The following TOPBP1 variants were observed in gnomAD, a reference collection of about 807,000 sequenced individuals.
The protein encoded by TOPBP1 is DNA topoisomerase 2-binding protein 1.
In TOPBP1, 28 loss-of-function variants were observed where a neutral mutation model predicts 167.7. The observed-to-expected ratio is 0.17, with a 90% CI of 0.12 to 0.23. TOPBP1 has a LOEUF of 0.23. Among genes scored for constraint, TOPBP1 ranks in the 10% least tolerant of loss-of-function variants. The probability of loss-of-function intolerance (pLI) is 1.00; values close to 1 mark genes in which losing one functional copy is unlikely to be tolerated. For synonymous variants in TOPBP1, 598 were observed against 611.4 expected, an observed-to-expected ratio of 0.98 and a Z score of 0.32; for missense variants, 1,554 against 1,809.6, an observed-to-expected ratio of 0.86 and a Z score of 2.56.
Position 133,600,239 on chromosome 3 carries a change from T to TC in TOPBP1, c.*1010_*1011insG. The TC allele has an allele frequency of 6.8e-6, 1 of 147,338 alleles. No homozygotes were observed. Among genetic ancestry groups the TC allele is most frequent in the Non-Finnish European group, 1.5e-5 (1 of 67,278 alleles). 9.1% of individuals were successfully genotyped at this position (147,338 alleles called of 1,614,324 possible). ...GCCACCGTGCCTGGCCTGCAATTCT[T>TC]TTTTTTTTTTTTTTTGAGATGGAGT... On this transcript the variant is annotated 3_prime_UTR_variant, in exon 28 of 28. Transcript: ENST00000260810.
rs776213078 is a variant in TOPBP1 at position 133,649,791 on chromosome 3, T to C, written c.1242A>G (p.Lys414=). The C allele has an allele frequency of 4.4e-6, 7 of 1,594,878 alleles. No individual in the cohort carries two copies. The highest frequency in any genetic ancestry group is 1.7e-6 in the Non-Finnish European group (2 of 1,175,082). ...AAAACGAAAAAAACCTGTGGGCTGA[T>C]TTATTCCAAAACTGCTTCAATTCAT... ...YDDELKQFWN[K]SAHRPHVVGA... is the part of the protein sequence containing the mutation. The change falls in exon 9 of 28, where the codon AAA becomes AAG. Residue 414 remains lysine, a synonymous_variant. Coordinates refer to ENST00000260810, the MANE Select transcript of TOPBP1 (RefSeq NM_007027.4).
chr3:133,628,157 T>C (rs567481246), intron 16 of TOPBP1: 2 of 537,232 alleles, frequency 3.7e-6, no homozygotes, highest in East Asian at 3.2e-5. Flanking sequence ...CCCTAAAAAA[T>C]ATACATTATA....
chr3:133,619,124 A>C (rs868402836), intron 20 of TOPBP1, among the ~76,000 whole-genome samples: 3 of 146,420 alleles, frequency 2.0e-5, no homozygotes, highest in African/African-American at 7.3e-5. Context: ...AAAAAAAAAA[A>C]ACAAAAAACA....
chr3:133,612,335 C>T (rs1043777459), intron 24 of TOPBP1, 54 bp downstream of exon 24: 43 of 1,598,082 alleles, frequency 2.7e-5, no homozygotes, highest in Admixed American at 1.3e-4. Context: ...CCACTGCACC[C>T]GGTGGACACT....
rs533616170 is a variant in TOPBP1, at chr3:133,616,195, T to C, written c.3871+619A>G. ...AGTACAGTGGCGCTATCTTGGCTCA[T>C]TGCAACCTCCGCCTCCCAGGTTCAA... On this transcript the variant is annotated intron_variant, in intron 23 of 27. Transcript: ENST00000260810. Among the ~76,000 whole-genome samples, 213 of 151,840 alleles carry C rather than the reference T, an allele frequency of 1.4e-3. 2 individuals are homozygous for C. The highest frequency in any genetic ancestry group is 2.4e-3 in the Non-Finnish European group (160 of 67,900).
chr3:133,639,724 T>A (rs1416288791), intron 13 of TOPBP1, among the ~76,000 whole-genome samples: 3 of 151,948 alleles, frequency 2.0e-5, no homozygotes, highest in Non-Finnish European at 4.4e-5. Flanking sequence ...AGCCCAAAGA[T>A]AAGAGGAGAG....
intron 16 of TOPBP1, among the ~76,000 whole-genome samples, chr3:133,625,014 T>C (rs1935221185): frequency 6.6e-6 from 1 of 152,228 alleles, no homozygotes; most frequent in African/African-American, 2.4e-5. Context: ...TCACCCAGGC[T>C]GGAATGCAGT....
intron 2 of TOPBP1, among the ~76,000 whole-genome samples, chr3:133,660,191 A>G (rs1311373526): frequency 2.6e-5 from 4 of 152,222 alleles, no homozygotes; most frequent in Admixed American, 6.5e-5. Flanking sequence ...CGTTTACTCA[A>G]TATCTTTTTC....
chr3:133,602,446 A>G (rs1436799077), intron 27 of TOPBP1, among the ~76,000 whole-genome samples: 1 of 152,242 alleles, frequency 6.6e-6, no homozygotes. Flanking sequence ...TCTTCAGGGA[A>G]AACTGACACT....
rs570917307 is a variant in TOPBP1 at position 133,639,299 on chromosome 3, A to G, written c.2233+660T>C. On this transcript the variant is annotated intron_variant, in intron 13 of 27. Coordinates refer to ENST00000260810, the MANE Select transcript of TOPBP1 (RefSeq NM_007027.4). ...TGCAGCCAGAAAAAAGGATGAATTC[A>G]TGTCCTTTGTCGGGACATGGATGAA... Among the ~76,000 whole-genome samples, 4 of 152,328 alleles carry G rather than the reference A, an allele frequency of 2.6e-5. No individual in the cohort carries two copies. In the East Asian group the frequency reaches 5.8e-4, roughly 22 times the overall value.
rs1156668686 is a variant in TOPBP1, at chr3:133,616,928, G to A, written c.3760-3C>T. The stretch of plus-strand genomic sequence containing the variant: ...TGAGTCTCCTCTATCGTTATAATCT[G>A]GAATGAAAGTTTTACTTTAGAAAAA... On this transcript the variant is annotated splice_polypyrimidine_tract_variant and splice_region_variant and intron_variant, in intron 22 of 27. Coordinates refer to ENST00000260810, the MANE Select transcript of TOPBP1 (RefSeq NM_007027.4). 12 of 1,473,676 alleles carry A rather than the reference G, an allele frequency of 8.1e-6. No homozygotes were observed. The South Asian group carries it at 1.2e-4, about 15-fold the overall frequency. 91.3% of individuals were successfully genotyped at this position (1,473,676 alleles called of 1,614,324 possible). A position where few individuals can be genotyped will look rare whatever the true frequency, so the allele number is the denominator to read the frequency against.
rs765038621 is a variant in TOPBP1 at position 133,623,413 on chromosome 3, A to G, written c.2973T>C (p.His991=). 20 of 1,612,816 alleles carry G rather than the reference A, an allele frequency of 1.2e-5. No homozygotes were observed. The South Asian group carries it at 2.0e-4, about 16-fold the overall frequency. The stretch of plus-strand genomic sequence containing the variant: ...CCAAGCTCATTTTGGGATTATAAGT[A>G]TGTGGATAAAGAGATTCAGGAAGAT... ...CKHLPESLYP[H]TYNPKMSLDI... is the part of the protein sequence containing the mutation. Residue 991 remains histidine, a synonymous_variant, in exon 18 of 28, where the codon CAT becomes CAC. Coordinates refer to ENST00000260810, the MANE Select transcript of TOPBP1 (RefSeq NM_007027.4).
At chr3:133,618,580 AC>A in intron 20 of TOPBP1, 147 bp from the exon 21 acceptor site, 1 of 613,378 alleles carries the variant, frequency 1.6e-6, no homozygotes, top group Non-Finnish European at 2.6e-6. Flanking sequence ...AAATAAATGA[AC>A]CTAGGGACAT....
At chr3:133,614,004 G>T (rs1313724786) in intron 23 of TOPBP1, among the ~76,000 whole-genome samples, 2 of 151,924 alleles carry the variant, frequency 1.3e-5, no homozygotes, top group Non-Finnish European at 2.9e-5. Flanking sequence ...TGTTTGCCAG[G>T]CTGGTCTTGA....
chr3:133,615,303 T>G (rs892441015), intron 23 of TOPBP1, among the ~76,000 whole-genome samples: 1 of 151,812 alleles, frequency 6.6e-6, no homozygotes. Context: ...AACCCTGTCT[T>G]TACTAAAAAT....
rs544849666 is a variant in TOPBP1, at chr3:133,644,396, C to T, written c.1505-33G>A. On this transcript the variant is annotated intron_variant, in intron 10 of 27. Coordinates refer to ENST00000260810, the MANE Select transcript of TOPBP1 (RefSeq NM_007027.4). ...AGAAAAGTAAATGTTTTCTAACCAACAATTTACCTTATACAGTTTACTTCC... is the reference window on the plus strand; with the variant it reads ...AGAAAAGTAAATGTTTTCTAACCAATAATTTACCTTATACAGTTTACTTCC... 45 of 1,498,500 alleles carry T rather than the reference C, an allele frequency of 3.0e-5. No individual in the cohort carries two copies. In the East Asian group the frequency reaches 1.0e-3, roughly 34 times the overall value. The allele number at this position is 1,498,500 out of a possible 1,614,324, so 92.8% of individuals were successfully genotyped here.
At position 133,651,438 on chromosome 3, in the gene TOPBP1, C is replaced by T. The variant is rs183381040; in HGVS notation, c.1089+1025G>A. Among the ~76,000 whole-genome samples, 534 of 152,088 alleles carry T rather than the reference C, an allele frequency of 3.5e-3. 1 individual carries two copies. Among genetic ancestry groups the T allele is most frequent in the African/African-American group, 0.012 (501 of 41,502 alleles). ...CTCCTGACCTCAGGTATCTGCCCAC[C>T]TTGGCCTCCCAAAAGTGCTGGGATT... On this transcript the variant is annotated intron_variant, in intron 8 of 27. Transcript: ENST00000260810.
chr3:133,619,531 C>T (rs916594966), intron 20 of TOPBP1, among the ~76,000 whole-genome samples: 2 of 151,940 alleles, frequency 1.3e-5, no homozygotes, highest in Non-Finnish European at 2.9e-5. Flanking sequence ...CTGTAATCAC[C>T]TTTTCTAGAA....
At chr3:133,630,041 C>G (rs2107796495) in intron 14 of TOPBP1, among the ~76,000 whole-genome samples, 1 of 152,280 alleles carries the variant, frequency 6.6e-6, no homozygotes, top group East Asian at 1.9e-4. Context: ...CCGCCTTTGA[C>G]TCCCAAAGTG....
Sources: allele counts gnomAD v4.1 joint callset (sites outside exome capture counted in the v4.1 genomes callset), GRCh38; gene constraint gnomAD v4.1.1; transcripts MANE v1.5; gene names NCBI Gene and HGNC (gene_info 2026-07-23, HGNC 2026-07-21).